The following GABARAPL1 variants were observed in gnomAD, a reference collection of about 807,000 sequenced individuals.
GABARAPL1 encodes the protein gamma-aminobutyric acid receptor-associated protein-like 1.
Under a neutral mutation model 14.5 loss-of-function variants are expected in GABARAPL1, and 4 were observed. The ratio of observed to expected loss-of-function variants is 0.28; its 90% CI spans 0.14 to 0.63. The LOEUF is 0.63. GABARAPL1 is among the 30% of genes least tolerant of loss of function. The pLI is 0.84. For missense variants in GABARAPL1, 82 were observed against 139.2 expected, an observed-to-expected ratio of 0.59 and a Z score of 2.07; for synonymous variants, 47 against 50.6, an observed-to-expected ratio of 0.93 and a Z score of 0.30.
Position 10,213,474 on chromosome 12 carries a change from T to C in GABARAPL1, c.90+255T>C. On this transcript the variant is annotated intron_variant, in intron 1 of 3. Coordinates refer to ENST00000266458, the MANE Select transcript of GABARAPL1 (RefSeq NM_031412.4). ...TTGGGGGCCGAGCCGCCGTCTTCAG[T>C]GACTCAGCAACCCACACACGGTCTC... 2 of 505,560 alleles carry C rather than the reference T, an allele frequency of 4.0e-6. 1 individual carries two copies. The highest frequency in any genetic ancestry group is 3.5e-5 in the South Asian group (2 of 56,628). The allele number at this position is 505,560 out of a possible 1,614,324, so 31.3% of individuals were successfully genotyped here.
intron 2 of GABARAPL1, 55 bp downstream of exon 2, chr12:10,218,196 C>A: frequency 1.0e-6 from 1 of 953,936 alleles, no homozygotes; most frequent in Non-Finnish European, 1.7e-6. Flanking sequence ...TCTCTAGATC[C>A]TCATTACATG....
At chr12:10,219,333 CA>C (rs374863932) in intron 2 of GABARAPL1, among the ~76,000 whole-genome samples, 2,120 of 139,306 alleles carry the variant, frequency 0.015, 45 homozygotes, top group African/African-American at 0.053. Context: ...AAACAAAAAA[CA>C]AAAAAAAAAA....
chr12:10,221,139 CTG>C (rs1370353584), intron 3 of GABARAPL1: 11 of 983,286 alleles, frequency 1.1e-5, no homozygotes, highest in Non-Finnish European at 1.2e-5. Flanking sequence ...AAAACTAAAA[CTG>C]TGAAACAGAT....
At chr12:10,218,910 C>T (rs971764936) in intron 2 of GABARAPL1, among the ~76,000 whole-genome samples, 4 of 151,662 alleles carry the variant, frequency 2.6e-5, no homozygotes, top group African/African-American at 7.2e-5. Flanking sequence ...CAGGGTTTCA[C>T]CATGTTGGCC....
At chr12:10,219,198 A>G (rs1383921031) in intron 2 of GABARAPL1, among the ~76,000 whole-genome samples, 3 of 151,936 alleles carry the variant, frequency 2.0e-5, no homozygotes, top group Non-Finnish European at 4.4e-5. Context: ...GGGCACCTGT[A>G]ATCCCAGCTA....
chr12:10,216,485 T>A (rs73264776), intron 1 of GABARAPL1, among the ~76,000 whole-genome samples: 3,646 of 151,728 alleles, frequency 0.024, 154 homozygotes, highest in African/African-American at 0.083. Flanking sequence ...CGTCTTCACT[T>A]TTTTTTCTGC....
At chr12:10,217,697 C>T (rs1949098325) in intron 1 of GABARAPL1, among the ~76,000 whole-genome samples, 2 of 152,118 alleles carry the variant, frequency 1.3e-5, no homozygotes, top group Non-Finnish European at 2.9e-5. Flanking sequence ...GGAGCCATTG[C>T]ACTCCAGCCT....
chr12:10,213,400 A>G (rs1254581106), intron 1 of GABARAPL1, 181 bp downstream of exon 1: 1 of 674,918 alleles, frequency 1.5e-6, no homozygotes, highest in South Asian at 1.5e-5. Flanking sequence ...AGAGCTTTTA[A>G]AACCCCGTAT....
In GABARAPL1 at chr12:10,219,625, C is replaced by T. The variant is rs150390462; in HGVS notation, c.170-815C>T. 3.1e-3 allele frequency among the ~76,000 whole-genome samples: 476 copies of T among 152,000 alleles called. 1 individual carries two copies. The highest frequency in any genetic ancestry group is 0.011 in the African/African-American group (441 of 41,464). Reference sequence around the variant, plus strand: ...GACCAGCCTGGCCAACGTGGTGAAACCCCGTCTCTACTAAAAATACAAAAG... The same window carrying T: ...GACCAGCCTGGCCAACGTGGTGAAATCCCGTCTCTACTAAAAATACAAAAG... On this transcript the variant is annotated intron_variant, in intron 2 of 3. Transcript: ENST00000266458.
rs145011846 is a variant in GABARAPL1 at position 10,216,917 on chromosome 12, T to C, written c.91-1146T>C. Among the ~76,000 whole-genome samples, 6 of 152,360 alleles carry C rather than the reference T, an allele frequency of 3.9e-5. No homozygotes were observed. The East Asian group carries it at 1.2e-3, about 29-fold the overall frequency. On this transcript the variant is annotated intron_variant, in intron 1 of 3. Coordinates refer to ENST00000266458, the MANE Select transcript of GABARAPL1 (RefSeq NM_031412.4). ...ATTTTCTGTTTGGTAAGTTTTAGTG[T>C]ATTAAAAATATCTTTTAAATTTTGA...
chr12:10,213,252 G>A, intron 1 of GABARAPL1, 33 bp downstream of exon 1: 2 of 1,252,802 alleles, frequency 1.6e-6, no homozygotes, highest in South Asian at 1.3e-5. Context: ...GATGGGAGGG[G>A]AAGGGCCCGC....
At position 10,220,559 on chromosome 12, in the gene GABARAPL1, G is replaced by A; in HGVS notation, c.288+1G>A. 6.2e-7 allele frequency: 1 copy of A among 1,614,012 alleles called. No homozygotes were observed. Among genetic ancestry groups the A allele is most frequent in the Non-Finnish European group, 8.5e-7 (1 of 1,179,928 alleles). On this transcript the variant is annotated splice_donor_variant, in intron 3 of 3. Coordinates refer to ENST00000266458, the MANE Select transcript of GABARAPL1 (RefSeq NM_031412.4). LOFTEE classifies it high-confidence loss of function. ...TGCTACCATGGGCCAACTGTATGAG[G>A]TAATGGTTCTGGTTGCACAATACTG...
intron 1 of GABARAPL1, chr12:10,213,616 CG>C (rs1949070936): frequency 2.9e-6 from 1 of 345,340 alleles, no homozygotes; most frequent in South Asian, 2.2e-5. Context: ...TTGTGCTGTG[CG>C]GTGAGGTTTG....
chr12:10,217,766 A>G (rs1263146028), intron 1 of GABARAPL1, among the ~76,000 whole-genome samples: 3 of 152,204 alleles, frequency 2.0e-5, no homozygotes, highest in Non-Finnish European at 4.4e-5. Flanking sequence ...ACCAATAGGT[A>G]TATGTCCTAT....
At chr12:10,220,658 G>C (rs1949116011) in intron 3 of GABARAPL1, 100 bp downstream of exon 3, 1 of 1,578,498 alleles carries the variant, frequency 6.3e-7, no homozygotes, top group Non-Finnish European at 8.6e-7. Context: ...GAGAAGTGGG[G>C]CAGAAGGTGT....
chr12:10,213,287 T>G (rs752380159), intron 1 of GABARAPL1, 68 bp downstream of exon 1: 1 of 961,838 alleles, frequency 1.0e-6, no homozygotes. Context: ...GTAGTCGAGA[T>G]GGCTTCCCTG....
intron 3 of GABARAPL1, chr12:10,221,028 A>G (rs1282382164): frequency 2.9e-5 from 29 of 985,232 alleles, no homozygotes; most frequent in African/African-American, 3.5e-5. Context: ...GCCTCTGCCA[A>G]CTGAAGGATT....
Position 10,222,541 on chromosome 12 carries a change from A to G in GABARAPL1, c.*689A>G, listed in dbSNP as rs1348692253. On this transcript the variant is annotated 3_prime_UTR_variant, in exon 4 of 4. Coordinates refer to ENST00000266458, the MANE Select transcript of GABARAPL1 (RefSeq NM_031412.4). The stretch of plus-strand genomic sequence containing the variant: ...TGGTTTTGTTATTAAATAGCATTAA[A>G]CTGGAATTGACAAGAGTGTTGAGCA... The G allele has an allele frequency of 1.3e-5, 2 of 152,614 alleles. No individual in the cohort carries two copies. The highest frequency in any genetic ancestry group is 4.8e-5 in the African/African-American group (2 of 41,408). 9.5% of individuals were successfully genotyped at this position (152,614 alleles called of 1,614,324 possible). A position where few individuals can be genotyped will look rare whatever the true frequency, so the allele number is the denominator to read the frequency against.
intron 3 of GABARAPL1, chr12:10,221,055 T>G (rs1949118248): frequency 1.0e-6 from 1 of 985,280 alleles, no homozygotes. Context: ...ACAGTCAGCT[T>G]CTTCTATGAA....
Sources: allele counts gnomAD v4.1 joint callset (sites outside exome capture counted in the v4.1 genomes callset), GRCh38; gene constraint gnomAD v4.1.1; transcripts MANE v1.5; gene names NCBI Gene and HGNC (gene_info 2026-07-23, HGNC 2026-07-21).